The following CSMD1 variants were observed in gnomAD, a reference collection of about 807,000 sequenced individuals.
The protein encoded by CSMD1 is CUB and Sushi multiple domains 1.
In CSMD1, 213 loss-of-function variants were observed where a neutral mutation model predicts 417.5. The ratio of observed to expected loss-of-function variants is 0.51; its 90% CI spans 0.46 to 0.57. The LOEUF is 0.57. Among genes scored for constraint, CSMD1 ranks in the 20% least tolerant of loss-of-function variants. The pLI, the probability that CSMD1 is intolerant of heterozygous loss-of-function variation, is 0.00. For synonymous variants in CSMD1, 2,862 were observed against 1,736.8 expected (o/e 1.65, Z -16.11); for missense variants, 6,923 against 4,529.7 (o/e 1.53, Z -15.17).
rs558139523 is a variant in CSMD1 at position 4,178,351 on chromosome 8, G to A, written c.416-146252C>T. On this transcript the variant is annotated intron_variant, in intron 3 of 69. Coordinates refer to ENST00000635120, the MANE Select transcript of CSMD1 (RefSeq NM_033225.6). The stretch of plus-strand genomic sequence containing the variant: ...AAACCACATGATTATCTCAATAGAT[G>A]CAGAAAAGGCCTTTGACAAAATTCA... 4.0e-5 allele frequency among the ~76,000 whole-genome samples: 6 copies of A among 151,102 alleles called. No individual in the cohort carries two copies. The East Asian group carries it at 9.7e-4, about 24-fold the overall frequency.
chr8:3,715,906 C>G (rs1447042365), intron 6 of CSMD1, among the ~76,000 whole-genome samples: 1 of 152,216 alleles, frequency 6.6e-6, no homozygotes, highest in Non-Finnish European at 1.5e-5. Flanking sequence ...CTCCACATTC[C>G]TCTGCAGCTG....
chr8:3,859,946 A>C (rs2930353), intron 5 of CSMD1, among the ~76,000 whole-genome samples: 5 of 152,032 alleles, frequency 3.3e-5, no homozygotes, highest in Non-Finnish European at 5.9e-5. Context: ...CTTTTCATGA[A>C]TTCCATGAGT....
At chr8:4,128,509 C>T (rs1002643854) in intron 3 of CSMD1, among the ~76,000 whole-genome samples, 1 of 152,168 alleles carries the variant, frequency 6.6e-6, no homozygotes, top group South Asian at 2.1e-4. Context: ...CAAACAAACA[C>T]ATTGCTTACT....
intron 7 of CSMD1, among the ~76,000 whole-genome samples, chr8:3,628,039 T>C (rs1022114674): frequency 1.3e-5 from 2 of 152,164 alleles, no homozygotes; most frequent in African/African-American, 2.4e-5. Flanking sequence ...CAATGTAATA[T>C]AAAGCAGATT....
At chr8:4,809,481 G>A (rs932133953) in intron 1 of CSMD1, among the ~76,000 whole-genome samples, 4 of 151,994 alleles carry the variant, frequency 2.6e-5, no homozygotes, top group African/African-American at 9.7e-5. Flanking sequence ...GACTTCCAGG[G>A]GATTGCCAAT....
chr8:3,100,582 G>C (rs898449963), intron 46 of CSMD1, among the ~76,000 whole-genome samples: 2 of 152,148 alleles, frequency 1.3e-5, no homozygotes, highest in African/African-American at 4.8e-5. Context: ...TCACCATAGG[G>C]GAGCACCTGT....
intron 6 of CSMD1, among the ~76,000 whole-genome samples, chr8:3,739,180 C>G (rs987943514): frequency 1.1e-4 from 16 of 152,090 alleles, no homozygotes; most frequent in Non-Finnish European, 1.8e-4. Context: ...CTGATGCATG[C>G]CGGATACTGT....
chr8:3,659,565 A>G (rs984052965), intron 7 of CSMD1, among the ~76,000 whole-genome samples: 8 of 152,184 alleles, frequency 5.3e-5, no homozygotes, highest in Non-Finnish European at 8.8e-5. Context: ...GGGGGTTATC[A>G]TATTAGCAAA....
At chr8:3,914,383 G>T (rs2554684) in intron 5 of CSMD1, among the ~76,000 whole-genome samples, 6,673 of 151,854 alleles carry the variant, frequency 0.044, 452 homozygotes, top group African/African-American at 0.15. Context: ...AAAAACATAC[G>T]GGTACAGATA....
Position 4,748,127 on chromosome 8 carries a change from C to T in CSMD1, c.86-110569G>A, listed in dbSNP as rs900543478. On this transcript the variant is annotated intron_variant, in intron 1 of 69. Coordinates refer to ENST00000635120, the MANE Select transcript of CSMD1 (RefSeq NM_033225.6). ...CCTTCCTTAGAAGAACAATGACATG[C>T]TACCAACCAACTCACAGAGAAAACC... is the stretch of plus-strand genomic sequence containing the variant. 1.2e-4 allele frequency among the ~76,000 whole-genome samples: 18 copies of T among 152,270 alleles called. No homozygotes were observed. The South Asian group carries it at 1.2e-3, about 11-fold the overall frequency.
At chr8:4,250,271 G>T (rs983525337) in intron 3 of CSMD1, among the ~76,000 whole-genome samples, 17 of 152,162 alleles carry the variant, frequency 1.1e-4, no homozygotes, top group African/African-American at 4.1e-4. Flanking sequence ...AGCCTCTCTA[G>T]TGATATAAAT....
Position 4,461,291 on chromosome 8 carries a change from T to A in CSMD1, c.303-41226A>T, listed in dbSNP as rs150397603. ...AGTTAACATTGTATTTAATGAAATA[T>A]TGAACATTTTCTGCCTAAAATCAGC... On this transcript the variant is annotated intron_variant, in intron 2 of 69. Transcript: ENST00000635120. Among the ~76,000 whole-genome samples the A allele has an allele frequency of 5.3e-5, 8 of 152,178 alleles. No individual in the cohort carries two copies. The South Asian group carries it at 1.7e-3, about 31-fold the overall frequency.
At chr8:4,027,585 C>T (rs1391911264) in intron 4 of CSMD1, among the ~76,000 whole-genome samples, 3 of 152,134 alleles carry the variant, frequency 2.0e-5, no homozygotes, top group Non-Finnish European at 2.9e-5. Context: ...GTTCCTGAGG[C>T]CTCCGCAGCC....
intron 1 of CSMD1, among the ~76,000 whole-genome samples, chr8:4,888,131 A>G (rs1803873041): frequency 1.3e-5 from 2 of 152,048 alleles, no homozygotes; most frequent in African/African-American, 4.8e-5. Flanking sequence ...AAATAATCTA[A>G]ATGCCATATA....
At chr8:4,152,677 G>A (rs922513407) in intron 3 of CSMD1, among the ~76,000 whole-genome samples, 29 of 151,740 alleles carry the variant, frequency 1.9e-4, no homozygotes, top group African/African-American at 5.8e-4. Flanking sequence ...GCAACAGAGC[G>A]AGACCTTGTC....
At chr8:3,476,912 CA>C (rs761021655) in intron 11 of CSMD1, among the ~76,000 whole-genome samples, 5,959 of 126,636 alleles carry the variant, frequency 0.047, 113 homozygotes, top group African/African-American at 0.05. Flanking sequence ...AACTCCGCCT[CA>C]AAAAAAAAAA....
chr8:4,125,294 G>C (rs559173573), intron 3 of CSMD1, among the ~76,000 whole-genome samples: 1 of 152,192 alleles, frequency 6.6e-6, no homozygotes, highest in Admixed American at 6.5e-5. Context: ...ATGCGAATCT[G>C]ACTGGCTTCT....
chr8:3,366,296 G>C (rs781081480), intron 20 of CSMD1, among the ~76,000 whole-genome samples: 16 of 152,224 alleles, frequency 1.1e-4, no homozygotes, highest in Non-Finnish European at 2.2e-4. Context: ...AGTGTGACCT[G>C]TTCACTGAGC....
At chr8:3,986,606 T>A (rs1242748483) in intron 5 of CSMD1, among the ~76,000 whole-genome samples, 1 of 152,160 alleles carries the variant, frequency 6.6e-6, no homozygotes, top group Non-Finnish European at 1.5e-5. Flanking sequence ...TCCCAAGCCA[T>A]GCAACATACC....
Sources: gnomAD v4.1 joint callset for allele counts (sites outside exome capture counted in the v4.1 genomes callset) on GRCh38, gnomAD v4.1.1 for gene constraint, MANE v1.5 for transcripts, NCBI Gene and HGNC (gene_info 2026-07-23, HGNC 2026-07-21) for gene names.